CFAP119: variants seen among roughly 807,000 people sequenced by gnomAD.
CFAP119 encodes the protein cilia and flagella associated protein 119.
the CFAP119 span, chr16:30,757,521 C>A: frequency 6.2e-7 from 1 of 1,614,082 alleles, no homozygotes; most frequent in Non-Finnish European, 8.5e-7. Context: ...GCTGGAAGGG[C>A]CGCTCTAGTG....
chr16:30,761,951 G>A, the CFAP119 span: 1 of 591,810 alleles, frequency 1.7e-6, no homozygotes, highest in South Asian at 2.2e-5. Flanking sequence ...GGCTTGTGAG[G>A]GAAGGAAGGC....
the CFAP119 span, chr16:30,759,312 GGT>G: frequency 1.2e-6 from 2 of 1,612,638 alleles, no homozygotes; most frequent in South Asian, 2.2e-5. Context: ...GGCGGTTGAG[GGT>G]GGCTCCTCAT....
the CFAP119 span, chr16:30,761,120 C>T: frequency 1.3e-6 from 2 of 1,528,846 alleles, no homozygotes; most frequent in Non-Finnish European, 1.8e-6. Context: ...ATGGGGATGC[C>T]CTGGCCACAG....
the CFAP119 span, chr16:30,759,869 A>G: frequency 6.2e-6 from 9 of 1,454,170 alleles, no homozygotes; most frequent in Admixed American, 2.0e-4. Context: ...TCATGTAACA[A>G]ATACTGAATA....
At chr16:30,761,233 C>T in the CFAP119 span, 6 of 1,613,532 alleles carry the variant, frequency 3.7e-6, no homozygotes, top group Non-Finnish European at 1.7e-6. Flanking sequence ...GCGGCGGCTG[C>T]GGAAAGAAAG....
At chr16:30,760,380 A>G in the CFAP119 span, 6 of 1,614,086 alleles carry the variant, frequency 3.7e-6, no homozygotes, top group Admixed American at 1.7e-5. Context: ...AGCGCGTGGC[A>G]GAAGAGGTCC....
At chr16:30,760,429 T>G in the CFAP119 span, 8 of 1,614,002 alleles carry the variant, frequency 5.0e-6, no homozygotes, top group Non-Finnish European at 5.9e-6. Flanking sequence ...CAGGACACCC[T>G]AGCTCCAGCA....
the CFAP119 span, chr16:30,759,884 C>G: frequency 6.9e-7 from 1 of 1,447,612 alleles, no homozygotes; most frequent in Non-Finnish European, 9.1e-7. Flanking sequence ...TGAATACCCA[C>G]TATATGCCCA....
the CFAP119 span, chr16:30,761,293 C>G: frequency 1.2e-6 from 2 of 1,606,920 alleles, no homozygotes; most frequent in Non-Finnish European, 1.7e-6. Flanking sequence ...GAATCTCCAG[C>G]AGGCCGGAGA....
chr16:30,759,097 T>C, the CFAP119 span: 1 of 1,614,218 alleles, frequency 6.2e-7, no homozygotes, highest in South Asian at 1.1e-5. Flanking sequence ...TGCTTTCTTC[T>C]TTCTCTGCAA....
At chr16:30,759,981 C>G in the CFAP119 span, 1 of 1,455,788 alleles carries the variant, frequency 6.9e-7, no homozygotes, top group African/African-American at 1.4e-5. Flanking sequence ...AGAAATAGAT[C>G]ATTTCAGCTA....
the CFAP119 span, chr16:30,759,411 G>C: frequency 6.2e-7 from 1 of 1,614,234 alleles, no homozygotes; most frequent in African/African-American, 1.3e-5. Context: ...AGTCTTCCAA[G>C]GCCAGCAGCT....
chr16:30,759,381 G>A, the CFAP119 span: 1 of 1,614,238 alleles, frequency 6.2e-7, no homozygotes, highest in Non-Finnish European at 8.5e-7. Context: ...TGAAGTGGCG[G>A]AAGTAAGTGT....
chr16:30,759,185 ACT>A, the CFAP119 span: 2 of 1,613,732 alleles, frequency 1.2e-6, no homozygotes, highest in East Asian at 2.2e-5. Context: ...TACCCGTCTC[ACT>A]CTCTGGCCAC....
At chr16:30,759,543 A>G in the CFAP119 span, 1 of 1,614,142 alleles carries the variant, frequency 6.2e-7, no homozygotes, top group Non-Finnish European at 8.5e-7. Flanking sequence ...AGGAGCAAGG[A>G]GAGCCCACTG....
the CFAP119 span, chr16:30,761,300 G>C: frequency 6.2e-7 from 1 of 1,600,904 alleles, no homozygotes; most frequent in Non-Finnish European, 8.6e-7. Context: ...CAGCAGGCCG[G>C]AGAAGCCGCT....
chr16:30,759,233 C>T, the CFAP119 span: 1 of 1,614,176 alleles, frequency 6.2e-7, no homozygotes, highest in Non-Finnish European at 8.5e-7. Flanking sequence ...AAGTCAAAGA[C>T]AGATCCAGCC....
the CFAP119 span, chr16:30,759,668 A>C: frequency 1.2e-6 from 2 of 1,613,970 alleles, no homozygotes; most frequent in Non-Finnish European, 1.7e-6. Flanking sequence ...ACTCCATGGC[A>C]AAAAAGGACA....
At chr16:30,759,359 ATT>A in the CFAP119 span, 1 of 1,614,044 alleles carries the variant, frequency 6.2e-7, no homozygotes, top group African/African-American at 1.3e-5. Flanking sequence ...GTGAAGACGT[ATT>A]TATAGAGCTT....
Sources: gnomAD v4.1 joint callset for allele counts on GRCh38, gnomAD v4.1.1 for gene constraint, MANE v1.5 for transcripts, NCBI Gene and HGNC (gene_info 2026-07-23, HGNC 2026-07-21) for gene names.